The following NAALADL2 variants were observed in gnomAD, a reference collection of about 807,000 sequenced individuals.
NAALADL2 encodes the protein N-acetylated alpha-linked acidic dipeptidase like 2.
Under a neutral mutation model 87.2 loss-of-function variants are expected in NAALADL2, and 76 were observed. The ratio of observed to expected loss-of-function variants is 0.87; its 90% CI spans 0.72 to 1.05. NAALADL2 has a LOEUF of 1.05. Ranked by LOEUF, NAALADL2 falls within the 50% of genes least tolerant of loss-of-function variation. The pLI is 0.00. For missense variants in NAALADL2, 1,089 were observed against 945.8 expected (o/e 1.15, Z -1.99); for synonymous variants, 354 against 331.0 (o/e 1.07, Z -0.75).
intron 5 of NAALADL2, among the ~76,000 whole-genome samples, chr3:175,404,746 A>G (rs548747435): frequency 1.3e-5 from 2 of 152,290 alleles, no homozygotes; most frequent in East Asian, 3.9e-4. Flanking sequence ...ATGGAATTTC[A>G]TTAAAGCTGC....
chr3:174,846,868 T>C (rs948087655), intron 3 of NAALADL2, among the ~76,000 whole-genome samples: 1 of 152,084 alleles, frequency 6.6e-6, no homozygotes, highest in African/African-American at 2.4e-5. Flanking sequence ...AAGACCACTA[T>C]AGGAGATATA....
At chr3:174,552,273 G>A (rs897568183) in intron 2 of NAALADL2, among the ~76,000 whole-genome samples, 15 of 152,252 alleles carry the variant, frequency 9.9e-5, no homozygotes, top group African/African-American at 3.6e-4. Flanking sequence ...ATTCAGGAAG[G>A]TAATGCTCAG....
intron 1 of NAALADL2, among the ~76,000 whole-genome samples, chr3:174,900,971 T>C (rs949531940): frequency 1.3e-5 from 2 of 152,134 alleles, no homozygotes; most frequent in Non-Finnish European, 2.9e-5. Context: ...AATCAATCTA[T>C]AATCAATTTG....
At chr3:175,662,357 T>G (rs531016669) in intron 11 of NAALADL2, among the ~76,000 whole-genome samples, 118 of 152,124 alleles carry the variant, frequency 7.8e-4, no homozygotes, top group Non-Finnish European at 1.3e-3. Flanking sequence ...CCTGTAACTT[T>G]GCTAAATTTA....
intron 2 of NAALADL2, among the ~76,000 whole-genome samples, chr3:175,107,054 T>A (rs1337354561): frequency 6.6e-6 from 1 of 152,008 alleles, no homozygotes. Flanking sequence ...ACTGTCCCCA[T>A]CCTGGGAAAC....
intron 10 of NAALADL2, among the ~76,000 whole-genome samples, chr3:175,594,747 G>A (rs750987414): frequency 4.4e-4 from 67 of 152,152 alleles, no homozygotes; most frequent in South Asian, 1.2e-3. Context: ...GCATTTCTCT[G>A]ATGATAAGTG....
intron 5 of NAALADL2, among the ~76,000 whole-genome samples, chr3:175,434,393 A>G (rs1237859924): frequency 6.6e-6 from 1 of 152,024 alleles, no homozygotes; most frequent in Non-Finnish European, 1.5e-5. Flanking sequence ...TCTTGTGTCA[A>G]TATTTCCACG....
chr3:175,185,755 T>C (rs1049235515), intron 2 of NAALADL2, among the ~76,000 whole-genome samples: 7 of 150,444 alleles, frequency 4.7e-5, no homozygotes, highest in Non-Finnish European at 7.4e-5. Context: ...AATTATTTTA[T>C]ATAATTATAT....
chr3:174,748,698 T>G (rs561763037), intron 3 of NAALADL2, among the ~76,000 whole-genome samples: 1 of 152,298 alleles, frequency 6.6e-6, no homozygotes, highest in East Asian at 1.9e-4. Context: ...AAACTCAATT[T>G]TTGATACCAG....
intron 2 of NAALADL2, among the ~76,000 whole-genome samples, chr3:174,657,643 A>G (rs1725107857): frequency 6.6e-6 from 1 of 152,170 alleles, no homozygotes; most frequent in Non-Finnish European, 1.5e-5. Flanking sequence ...CCCAAAGGGC[A>G]TAATTGACAT....
chr3:175,341,274 CAT>C (rs1220346797), intron 5 of NAALADL2, among the ~76,000 whole-genome samples: 1 of 152,074 alleles, frequency 6.6e-6, no homozygotes, highest in Non-Finnish European at 1.5e-5. Flanking sequence ...TCATGACTAA[CAT>C]ATTTTATGTA....
Position 175,324,302 on chromosome 3 carries a change from C to G in NAALADL2, c.1067C>G (p.Ser356Cys). 1 of 1,612,458 alleles carries G rather than the reference C, an allele frequency of 6.2e-7. No homozygotes were observed. The highest frequency in any genetic ancestry group is 8.5e-7 in the Non-Finnish European group (1 of 1,179,328). Residue 356 changes from serine to cysteine, a missense_variant, in exon 5 of 14, where the codon TCT (serine) becomes TGT (cysteine). Transcript: ENST00000454872. Reference protein sequence around the residue: ...MVSLNPGGDPSTPGYPSVDES... With the variant: ...MVSLNPGGDPCTPGYPSVDES... ...TCACTGAATCCAGGAGGAGACCCTT[C>G]TACGCCTGGTTACCCAAGTGTCGGT...
rs1439863206 is a variant in NAALADL2, at chr3:175,750,657, A to G, written c.1991-4563A>G. Among the ~76,000 whole-genome samples, 5 of 152,268 alleles carry G rather than the reference A, an allele frequency of 3.3e-5. No individual in the cohort carries two copies. The South Asian group carries it at 8.3e-4, about 25-fold the overall frequency. On this transcript the variant is annotated intron_variant, in intron 12 of 13. Coordinates refer to ENST00000454872, the MANE Select transcript of NAALADL2 (RefSeq NM_207015.3). ...AACATCCCAGAACTTTCAAGAGCTC[A>G]TTTAAGATGTCCTGGATTTTTAGGC... is the stretch of plus-strand genomic sequence containing the variant.
At chr3:175,206,732 C>A (rs1159434597) in intron 2 of NAALADL2, among the ~76,000 whole-genome samples, 1 of 152,010 alleles carries the variant, frequency 6.6e-6, no homozygotes, top group African/African-American at 2.4e-5. Context: ...ATAGAGAAAA[C>A]CAACATTTGG....
chr3:175,674,451 A>G (rs996102592), intron 11 of NAALADL2, among the ~76,000 whole-genome samples: 4 of 151,784 alleles, frequency 2.6e-5, no homozygotes, highest in African/African-American at 9.7e-5. Flanking sequence ...TTTTTAGTAG[A>G]GAAGGGGTTT....
intron 9 of NAALADL2, among the ~76,000 whole-genome samples, chr3:175,552,584 C>T (rs771325413): frequency 2.0e-4 from 30 of 152,118 alleles, no homozygotes; most frequent in Admixed American, 6.5e-4. Flanking sequence ...ATTAAAGAAA[C>T]GTCCTATTAA....
intron 1 of NAALADL2, among the ~76,000 whole-genome samples, chr3:174,475,119 C>A (rs896988688): frequency 6.6e-6 from 1 of 150,762 alleles, no homozygotes; most frequent in South Asian, 2.1e-4. Flanking sequence ...AAAAATAGGT[C>A]CCAACTGGAA....
chr3:175,742,377 T>A (rs1170882400), intron 12 of NAALADL2, among the ~76,000 whole-genome samples: 2 of 152,150 alleles, frequency 1.3e-5, no homozygotes, highest in African/African-American at 4.8e-5. Flanking sequence ...ATAATGTAAG[T>A]TTTTTTGTTT....
At chr3:175,399,958 T>A (rs1770352256) in intron 5 of NAALADL2, among the ~76,000 whole-genome samples, 2 of 152,144 alleles carry the variant, frequency 1.3e-5, no homozygotes, top group East Asian at 1.9e-4. Context: ...ATGTAATGAA[T>A]CTCTGAAGTG....
Sources: allele counts gnomAD v4.1 joint callset (sites outside exome capture counted in the v4.1 genomes callset), GRCh38; gene constraint gnomAD v4.1.1; transcripts MANE v1.5; gene names NCBI Gene and HGNC (gene_info 2026-07-23, HGNC 2026-07-21).